The following ATG7 variants were observed in gnomAD, a reference collection of about 807,000 sequenced individuals.
The protein encoded by ATG7 is autophagy related 7.
ATG7 carries 70 observed loss-of-function variants against 82.4 expected under a neutral mutation model. The ratio of observed to expected loss-of-function variants is 0.85; its 90% confidence interval spans 0.70 to 1.04. The LOEUF (loss-of-function observed/expected upper bound fraction) is 1.04. Among genes scored for constraint, ATG7 ranks in the 50% least tolerant of loss-of-function variants. The probability of loss-of-function intolerance (pLI) is 0.00; values close to 1 mark genes in which losing one functional copy is unlikely to be tolerated. For missense variants in ATG7, 792 were observed against 864.3 expected (o/e 0.92, Z 1.05); for synonymous variants, 287 against 313.0 (o/e 0.92, Z 0.88).
At chr3:11,461,881 T>A in intron 20 of ATG7, among the ~76,000 whole-genome samples, 1 of 151,498 alleles carries the variant, frequency 6.6e-6, no homozygotes, top group Non-Finnish European at 1.5e-5. Flanking sequence ...AAAAAAAAAA[T>A]TAGCTGGGCG....
chr3:11,469,023 T>C lies in ATG7; in HGVS notation c.2079+42097T>C, dbSNP rs569620099. Among the ~76,000 whole-genome samples the C allele has an allele frequency of 1.2e-4, 18 of 152,362 alleles. No individual in the cohort carries two copies. In the South Asian group the frequency reaches 3.5e-3, roughly 30 times the overall value. On this transcript the variant is annotated intron_variant, in intron 20 of 20. Transcript: ENST00000693202. ...TGCATGATGGCTCTCTCATCTCTTC[T>C]TGAGTTTGCTTATTTACACAATTAA...
intron 20 of ATG7, among the ~76,000 whole-genome samples, chr3:11,475,992 C>T (rs1378254159): frequency 6.6e-6 from 1 of 151,812 alleles, no homozygotes; most frequent in Non-Finnish European, 1.5e-5. Context: ...AAAAAATGAA[C>T]CCCTGCTGTG....
intron 19 of ATG7, among the ~76,000 whole-genome samples, chr3:11,394,959 C>T (rs2079092379): frequency 6.6e-6 from 1 of 152,088 alleles, no homozygotes; most frequent in Non-Finnish European, 1.5e-5. Flanking sequence ...TACAGACATA[C>T]AGAGATTCTA....
rs773548637 is a variant in ATG7 at position 11,557,194 on chromosome 3, ATGCT to A, written c.*2357_*2360del. The A allele has an allele frequency of 6.5e-6, 1 of 152,794 alleles. No individual in the cohort carries two copies. The highest frequency in any genetic ancestry group is 1.5e-5 in the Non-Finnish European group (1 of 68,052). The allele number at this position is 152,794 out of a possible 1,614,324, so 9.5% of individuals were successfully genotyped here. A position where few individuals can be genotyped will look rare whatever the true frequency, so the allele number is the denominator to read the frequency against. Reference sequence around the variant, plus strand: ...TGTGACCTCCACAGCTGTGTCTGTCATGCTTGCTTCATCTAATTTCTAGTTAGTA... The same window carrying A: ...TGTGACCTCCACAGCTGTGTCTGTCATGCTTCATCTAATTTCTAGTTAGTA... On this transcript the variant is annotated 3_prime_UTR_variant, in exon 21 of 21. Transcript: ENST00000693202.
At chr3:11,412,190 A>G (rs1457815087) in intron 19 of ATG7, among the ~76,000 whole-genome samples, 4 of 152,124 alleles carry the variant, frequency 2.6e-5, no homozygotes, top group African/African-American at 9.7e-5. Context: ...ACAATATGTA[A>G]GAAAATAAAA....
At chr3:11,401,001 G>A (rs1364407957) in intron 19 of ATG7, among the ~76,000 whole-genome samples, 3 of 152,206 alleles carry the variant, frequency 2.0e-5, no homozygotes, top group African/African-American at 2.4e-5. Flanking sequence ...CTTTAAAAAT[G>A]TGCTGCTTAA....
chr3:11,442,754 A>C (rs890578666), intron 20 of ATG7, among the ~76,000 whole-genome samples: 5 of 143,980 alleles, frequency 3.5e-5, no homozygotes, highest in African/African-American at 5.4e-5. Flanking sequence ...AAAAAAAAAA[A>C]AAAAAAAAAA....
At chr3:11,458,445 A>G (rs2085966367) in intron 20 of ATG7, among the ~76,000 whole-genome samples, 1 of 152,076 alleles carries the variant, frequency 6.6e-6, no homozygotes, top group Non-Finnish European at 1.5e-5. Flanking sequence ...TTGTATTTTT[A>G]GTAGAGACTG....
intron 20 of ATG7, among the ~76,000 whole-genome samples, chr3:11,502,839 C>T (rs1341576772): frequency 6.6e-6 from 1 of 152,062 alleles, no homozygotes; most frequent in Admixed American, 6.6e-5. Flanking sequence ...CAATTAGATC[C>T]CCAGGCCCCC....
chr3:11,469,216 G>A (rs926852155), intron 20 of ATG7, among the ~76,000 whole-genome samples: 1 of 152,140 alleles, frequency 6.6e-6, no homozygotes, highest in Non-Finnish European at 1.5e-5. Context: ...TTGGGAGGCC[G>A]AGGCAGGTGG....
intron 14 of ATG7, 134 bp from the exon 15 acceptor site, chr3:11,358,284 T>C: frequency 1.2e-6 from 1 of 849,928 alleles, no homozygotes; most frequent in South Asian, 1.7e-5. Context: ...GTGGGAAGGG[T>C]GCAGCATAAT....
chr3:11,527,456 C>G (rs530616032), intron 20 of ATG7, among the ~76,000 whole-genome samples: 2 of 152,170 alleles, frequency 1.3e-5, no homozygotes, highest in African/African-American at 4.8e-5. Context: ...TCTCTTCTAC[C>G]TGTCCCTGGG....
rs1292536429 is a variant in ATG7 at position 11,521,181 on chromosome 3, CTAGGCAGCCATTGGTTGCCA to C, written c.2080-33618_2080-33599del. On this transcript the variant is annotated intron_variant, in intron 20 of 20. Coordinates refer to ENST00000693202, the MANE Select transcript of ATG7 (RefSeq NM_001349232.2). The stretch of plus-strand genomic sequence containing the variant: ...TGCAGCATTTCAGATCAGTAGAGCC[CTAGGCAGCCATTGGTTGCCA>C]TAGGCAGCCATGAGTTGAGAAGGCC... Among the ~76,000 whole-genome samples the C allele has an allele frequency of 2.2e-4, 33 of 151,652 alleles. 1 individual carries two copies. Among genetic ancestry groups the C allele is most frequent in the East Asian group, 1.4e-3 (7 of 5,170 alleles).
chr3:11,350,343 C>T (rs2075442560), intron 14 of ATG7, among the ~76,000 whole-genome samples: 1 of 152,168 alleles, frequency 6.6e-6, no homozygotes. Context: ...GACAATATTG[C>T]ATATCACACA....
rs201384830 is a variant in ATG7 at position 11,313,411 on chromosome 3, A to G, written c.519A>G (p.Ser173=). 50 of 1,606,216 alleles carry G rather than the reference A, an allele frequency of 3.1e-5. No individual in the cohort carries two copies. Among genetic ancestry groups the G allele is most frequent in the Non-Finnish European group, 4.2e-5 (49 of 1,174,850 alleles). ...CAGTGGGTTTGGATCAAAGGTTTTC[A>G]CTAAAACAGGTATCAACAAATAACC... ...QGPVGLDQRF[S]LKQIEALECA... The change falls in exon 8 of 21, where the codon TCA becomes TCG. Residue 173 remains serine, a synonymous_variant. Transcript: ENST00000693202.
intron 20 of ATG7, among the ~76,000 whole-genome samples, chr3:11,526,630 A>T (rs1172263302): frequency 3.3e-5 from 5 of 152,210 alleles, no homozygotes; most frequent in Non-Finnish European, 7.3e-5. Context: ...GTTAGTTGTA[A>T]CAGTTTGAAA....
chr3:11,349,031 A>G (rs1359888956), intron 14 of ATG7, among the ~76,000 whole-genome samples: 2 of 151,886 alleles, frequency 1.3e-5, no homozygotes, highest in African/African-American at 4.8e-5. Flanking sequence ...CTAGCTAGAC[A>G]CAGAGCGCTG....
chr3:11,574,246 A>AT, the ATG7 span, among the ~76,000 whole-genome samples: 1 of 152,130 alleles, frequency 6.6e-6, no homozygotes, highest in Non-Finnish European at 1.5e-5. Flanking sequence ...GGCTTTAGAT[A>AT]TTTGCCACAC....
At chr3:11,451,042 C>T (rs1010630879) in intron 20 of ATG7, among the ~76,000 whole-genome samples, 1 of 152,100 alleles carries the variant, frequency 6.6e-6, no homozygotes, top group Non-Finnish European at 1.5e-5. Context: ...TCTCAAATAC[C>T]TTATTGGAAA....
Sources: gnomAD v4.1 joint callset for allele counts (sites outside exome capture counted in the v4.1 genomes callset) on GRCh38, gnomAD v4.1.1 for gene constraint, MANE v1.5 for transcripts, NCBI Gene and HGNC (gene_info 2026-07-23, HGNC 2026-07-21) for gene names.